Variants in AUH observed in about 807,000 individuals in gnomAD.
The protein encoded by AUH is AU RNA binding methylglutaconyl-CoA hydratase.
In AUH, 29 loss-of-function variants were observed where a neutral mutation model predicts 42.3. That is an observed-to-expected ratio of 0.69 (90% CI 0.51 to 0.93). The LOEUF is 0.93. Among genes scored for constraint, AUH ranks in the 40% least tolerant of loss-of-function variants. The pLI is 0.00. For synonymous variants in AUH, 174 were observed against 166.4 expected (o/e 1.05, Z -0.35); for missense variants, 452 against 438.1 (o/e 1.03, Z -0.28).
chr9:91,239,814 C>A (rs1001918707), intron 6 of AUH, among the ~76,000 whole-genome samples: 1 of 152,100 alleles, frequency 6.6e-6, no homozygotes, highest in Non-Finnish European at 1.5e-5. Context: ...CTAACTGGCT[C>A]AACCCCAGCA....
chr9:91,275,288 G>A (rs1825452253), intron 6 of AUH, among the ~76,000 whole-genome samples: 1 of 152,182 alleles, frequency 6.6e-6, no homozygotes, highest in African/African-American at 2.4e-5. Context: ...TCACCACGGA[G>A]CAACAGGTGA....
At chr9:91,299,538 G>T (rs1827621745) in intron 4 of AUH, among the ~76,000 whole-genome samples, 1 of 152,010 alleles carries the variant, frequency 6.6e-6, no homozygotes, top group Admixed American at 6.6e-5. Flanking sequence ...TTGGGGGTGG[G>T]GAGGGACTTG....
chr9:91,289,602 C>T (rs1826691313), intron 6 of AUH, among the ~76,000 whole-genome samples: 2 of 152,192 alleles, frequency 1.3e-5, no homozygotes, highest in Non-Finnish European at 2.9e-5. Flanking sequence ...CTCTTTACAA[C>T]ATTTAACAGA....
At chr9:91,232,055 CTTGA>C (rs1401223822) in intron 6 of AUH, among the ~76,000 whole-genome samples, 3 of 152,214 alleles carry the variant, frequency 2.0e-5, no homozygotes, top group Non-Finnish European at 4.4e-5. Flanking sequence ...TGTTAATTAG[CTTGA>C]TTGACTCTTT....
chr9:91,231,977 G>C (rs945939882), intron 6 of AUH, among the ~76,000 whole-genome samples: 1 of 151,894 alleles, frequency 6.6e-6, no homozygotes, highest in Non-Finnish European at 1.5e-5. Flanking sequence ...GTTAATAATA[G>C]TATGTACTTA....
intron 6 of AUH, among the ~76,000 whole-genome samples, chr9:91,241,751 C>T (rs1814176801): frequency 6.6e-6 from 1 of 151,990 alleles, no homozygotes; most frequent in Admixed American, 6.6e-5. Flanking sequence ...CAGATTCCAC[C>T]CCTTAAGAGT....
intron 3 of AUH, among the ~76,000 whole-genome samples, chr9:91,340,636 GT>G: frequency 1.3e-5 from 2 of 152,108 alleles, no homozygotes; most frequent in South Asian, 4.1e-4. Flanking sequence ...CAAACTATGA[GT>G]TGTACAACTG....
intron 3 of AUH, among the ~76,000 whole-genome samples, chr9:91,345,317 G>T (rs1202323504): frequency 6.6e-6 from 1 of 152,044 alleles, no homozygotes; most frequent in Non-Finnish European, 1.5e-5. Context: ...ACAAAAAAGA[G>T]TCCTAGAAGT....
intron 4 of AUH, among the ~76,000 whole-genome samples, chr9:91,306,904 T>A (rs184802911): frequency 1.3e-5 from 2 of 152,304 alleles, no homozygotes; most frequent in East Asian, 1.9e-4. Flanking sequence ...ACAACCCAAA[T>A]GTCTTTCACG....
At chr9:91,338,902 G>A (rs947465002) in intron 3 of AUH, among the ~76,000 whole-genome samples, 1 of 152,202 alleles carries the variant, frequency 6.6e-6, no homozygotes, top group Admixed American at 6.5e-5. Flanking sequence ...GAGGGAGGAA[G>A]TGGGTACTGA....
At chr9:91,221,131 C>A in intron 6 of AUH, 139 bp from the exon 7 acceptor site, 2 of 925,042 alleles carry the variant, frequency 2.2e-6, no homozygotes, top group Non-Finnish European at 3.3e-6. Flanking sequence ...AAAACTACTT[C>A]AGAACAGAAT....
At chr9:91,317,986 C>G (rs963547496) in intron 4 of AUH, among the ~76,000 whole-genome samples, 5 of 152,242 alleles carry the variant, frequency 3.3e-5, no homozygotes, top group African/African-American at 1.2e-4. Context: ...TCTTTTGTTA[C>G]AATCTGCTGG....
intron 6 of AUH, among the ~76,000 whole-genome samples, chr9:91,235,951 G>A (rs888784969): frequency 2.6e-5 from 4 of 152,174 alleles, no homozygotes; most frequent in East Asian, 1.9e-4. Context: ...CTAGGCTGCT[G>A]ACCTTATCAA....
chr9:91,278,979 T>G (rs1234937622), intron 6 of AUH, among the ~76,000 whole-genome samples: 1 of 152,150 alleles, frequency 6.6e-6, no homozygotes, highest in Non-Finnish European at 1.5e-5. Flanking sequence ...CAGAAAGCAG[T>G]TCAGTGGTGG....
At chr9:91,246,435 A>C (rs1828798530) in intron 6 of AUH, among the ~76,000 whole-genome samples, 1 of 152,256 alleles carries the variant, frequency 6.6e-6, no homozygotes. Context: ...CTTTTATTTA[A>C]GAAAGCCTAA....
At position 91,227,006 on chromosome 9, in the gene AUH, TTTGGCTTAGGA is replaced by T. The variant is rs1827536962; in HGVS notation, c.656-6025_656-6015del. ...AGTGTGATGCCTCCAGCTTTGTTCT[TTTGGCTTAGGA>T]ATGACTTGGCAATGCGGGCTCTTTT... is the stretch of plus-strand genomic sequence containing the variant. On this transcript the variant is annotated intron_variant, in intron 6 of 9. Transcript: ENST00000375731. Among the ~76,000 whole-genome samples, 5 of 151,726 alleles carry T rather than the reference TTTGGCTTAGGA, an allele frequency of 3.3e-5. No homozygotes were observed. The South Asian group carries it at 1.0e-3, about 32-fold the overall frequency.
intron 3 of AUH, chr9:91,343,139 C>G (rs1023214489): frequency 6.6e-6 from 1 of 151,886 alleles, no homozygotes; most frequent in Non-Finnish European, 1.5e-5. Flanking sequence ...TTTGAGAAGT[C>G]AAGTTATAGG....
intron 6 of AUH, among the ~76,000 whole-genome samples, chr9:91,270,945 A>G (rs185047036): frequency 1.5e-4 from 23 of 152,324 alleles, no homozygotes; most frequent in Admixed American, 1.2e-3. Flanking sequence ...AATATGATCA[A>G]ACTACCTTAT....
In AUH at chr9:91,344,057, C is replaced by T. The variant is rs894410283; in HGVS notation, c.418+11826G>A. Among the ~76,000 whole-genome samples the T allele has an allele frequency of 5.3e-5, 8 of 152,142 alleles. 2 individuals are homozygous for T. The highest frequency in any genetic ancestry group is 1.2e-4 in the Non-Finnish European group (8 of 68,022). ...GACATTCTTCATTATACTCTCCTCC[C>T]GTTGGAATTCAGGCACAGATGACCA... On this transcript the variant is annotated intron_variant, in intron 3 of 9. Coordinates refer to ENST00000375731, the MANE Select transcript of AUH (RefSeq NM_001698.3).
Sources: allele counts gnomAD v4.1 joint callset (sites outside exome capture counted in the v4.1 genomes callset), GRCh38; gene constraint gnomAD v4.1.1; transcripts MANE v1.5; gene names NCBI Gene and HGNC (gene_info 2026-07-23, HGNC 2026-07-21).